Variants in DCUN1D4 observed in about 807,000 individuals in gnomAD.
The protein encoded by DCUN1D4 is DCN1-like protein 4.
In DCUN1D4, 22 loss-of-function variants were observed where a neutral mutation model predicts 47.9. The observed-to-expected ratio is 0.46, with a 90% CI of 0.33 to 0.66. The LOEUF is 0.66. Ranked by LOEUF, DCUN1D4 falls within the 30% of genes least tolerant of loss-of-function variation. The pLI, the probability that DCUN1D4 is intolerant of heterozygous loss-of-function variation, is 0.02. For missense variants in DCUN1D4, 301 were observed against 340.8 expected, an observed-to-expected ratio of 0.88 and a Z score of 0.92; for synonymous variants, 121 against 112.2, an observed-to-expected ratio of 1.08 and a Z score of -0.50.
At chr4:51,878,208 C>T (rs972163888) in intron 5 of DCUN1D4, among the ~76,000 whole-genome samples, 1 of 152,162 alleles carries the variant, frequency 6.6e-6, no homozygotes, top group African/African-American at 2.4e-5. Context: ...TTACTTAGTG[C>T]AGTGAAATTT....
chr4:51,843,481 G>A, intron 1 of DCUN1D4: 2 of 1,265,684 alleles, frequency 1.6e-6, no homozygotes, highest in Non-Finnish European at 2.0e-6. Flanking sequence ...ACCGGCCTGC[G>A]GGGAGGGCGG....
intron 8 of DCUN1D4, chr4:51,910,757 T>TTA (rs1262432952): frequency 2.9e-6 from 1 of 347,932 alleles, no homozygotes; most frequent in Non-Finnish European, 5.1e-6. Flanking sequence ...AGTGATTGAG[T>TTA]TACAAGTTTT....
chr4:51,851,704 T>A (rs1723396440), intron 1 of DCUN1D4, among the ~76,000 whole-genome samples: 1 of 152,154 alleles, frequency 6.6e-6, no homozygotes, highest in Non-Finnish European at 1.5e-5. Context: ...GGGGAGGGAC[T>A]AACACGAATT....
At chr4:51,897,901 TAAG>T (rs1281002508) in intron 7 of DCUN1D4, among the ~76,000 whole-genome samples, 1 of 152,160 alleles carries the variant, frequency 6.6e-6, no homozygotes, top group Non-Finnish European at 1.5e-5. Flanking sequence ...GTCCAGAAAA[TAAG>T]AAGGTCATGT....
At chr4:51,912,780 C>T (rs1318601572) in intron 9 of DCUN1D4, among the ~76,000 whole-genome samples, 1 of 152,162 alleles carries the variant, frequency 6.6e-6, no homozygotes, top group Non-Finnish European at 1.5e-5. Flanking sequence ...CAGCACTTAC[C>T]GGATCTCGTC....
At chr4:51,895,187 G>A (rs906143901) in intron 7 of DCUN1D4, among the ~76,000 whole-genome samples, 2 of 150,864 alleles carry the variant, frequency 1.3e-5, no homozygotes, top group Non-Finnish European at 3.0e-5. Flanking sequence ...CATTATATTT[G>A]GTTAAAATGC....
intron 4 of DCUN1D4, 60 bp downstream of exon 4, chr4:51,874,445 T>A: frequency 7.8e-7 from 1 of 1,288,132 alleles, no homozygotes; most frequent in Non-Finnish European, 1.1e-6. Flanking sequence ...TGCACATTTC[T>A]ACCTAATTCA....
intron 7 of DCUN1D4, among the ~76,000 whole-genome samples, chr4:51,892,669 G>A (rs532163406): frequency 7.9e-5 from 12 of 152,194 alleles, no homozygotes; most frequent in African/African-American, 1.7e-4. Context: ...CAATATGTGC[G>A]TGTGTGCATG....
At chr4:51,893,584 G>T (rs924711883) in intron 7 of DCUN1D4, among the ~76,000 whole-genome samples, 1 of 151,980 alleles carries the variant, frequency 6.6e-6, no homozygotes, top group Non-Finnish European at 1.5e-5. Flanking sequence ...ACACCGCCAC[G>T]CCCGGCTGAT....
chr4:51,886,511 T>G, intron 5 of DCUN1D4, 57 bp from the exon 6 acceptor site: 1 of 1,408,412 alleles, frequency 7.1e-7, no homozygotes, highest in Non-Finnish European at 1.0e-6. Context: ...ACTACTACAG[T>G]GGTAATAGTA....
intron 3 of DCUN1D4, among the ~76,000 whole-genome samples, chr4:51,867,218 C>T (rs1318886825): frequency 2.0e-5 from 3 of 152,178 alleles, no homozygotes; most frequent in African/African-American, 4.8e-5. Context: ...AACAAGGTGG[C>T]GCCCGGAAGC....
At chr4:51,886,418 C>T (rs1729481670) in intron 5 of DCUN1D4, 150 bp from the exon 6 acceptor site, 8 of 561,510 alleles carry the variant, frequency 1.4e-5, no homozygotes, top group South Asian at 1.3e-4. Flanking sequence ...TACTGAAATT[C>T]GAGAATACTT....
chr4:51,853,451 G>A (rs1723663106), intron 1 of DCUN1D4, among the ~76,000 whole-genome samples: 1 of 152,170 alleles, frequency 6.6e-6, no homozygotes, highest in African/African-American at 2.4e-5. Flanking sequence ...TTTCAGCTCT[G>A]CAATCTTTTT....
At chr4:51,892,915 T>A (rs560139990) in intron 7 of DCUN1D4, among the ~76,000 whole-genome samples, 8 of 152,378 alleles carry the variant, frequency 5.3e-5, no homozygotes, top group Admixed American at 1.3e-4. Flanking sequence ...TGAAATGGTT[T>A]TATTTAAATA....
At chr4:51,858,761 C>T (rs552429146) in intron 1 of DCUN1D4, among the ~76,000 whole-genome samples, 26 of 152,302 alleles carry the variant, frequency 1.7e-4, no homozygotes, top group Non-Finnish European at 2.9e-4. Context: ...AACAATGGCC[C>T]ATGGGGCAAA....
At chr4:51,847,054 G>A (rs1722660576) in intron 1 of DCUN1D4, among the ~76,000 whole-genome samples, 1 of 152,182 alleles carries the variant, frequency 6.6e-6, no homozygotes, top group African/African-American at 2.4e-5. Flanking sequence ...TAGCTGTGAG[G>A]AAGCCTGACA....
intron 3 of DCUN1D4, among the ~76,000 whole-genome samples, chr4:51,867,355 G>T (rs116134706): frequency 9.3e-4 from 141 of 152,378 alleles, no homozygotes; most frequent in African/African-American, 3.2e-3. Flanking sequence ...GTGGCAAGTG[G>T]CAAGGGGTGC....
At chr4:51,834,186 C>T in the DCUN1D4 span, among the ~76,000 whole-genome samples, 1 of 141,934 alleles carries the variant, frequency 7.0e-6, no homozygotes, top group African/African-American at 2.8e-5. Context: ...CTCCCCTAAC[C>T]GAGAACAGCA....
intron 5 of DCUN1D4, among the ~76,000 whole-genome samples, chr4:51,882,984 A>G (rs1207532481): frequency 6.6e-6 from 1 of 152,168 alleles, no homozygotes; most frequent in Non-Finnish European, 1.5e-5. Context: ...ATAGATGAAT[A>G]TTTCCTTATC....
Sources: gnomAD v4.1 joint callset for allele counts (sites outside exome capture counted in the v4.1 genomes callset) on GRCh38, gnomAD v4.1.1 for gene constraint, MANE v1.5 for transcripts, NCBI Gene and HGNC (gene_info 2026-07-23, HGNC 2026-07-21) for gene names.